The following DAB1 variants were observed in gnomAD, a reference collection of about 807,000 sequenced individuals.
DAB1 encodes DAB adaptor protein 1.
A neutral mutation model predicts 64.6 loss-of-function variants in DAB1; 15 were observed. The observed-to-expected ratio is 0.23, with a 90% CI of 0.16 to 0.36. The LOEUF is 0.36. Ranked by LOEUF, DAB1 falls within the 10% of genes least tolerant of loss-of-function variation. The probability of loss-of-function intolerance (pLI) is 1.00; values close to 1 mark genes in which losing one functional copy is unlikely to be tolerated. For missense variants in DAB1, 596 were observed against 706.7 expected, an observed-to-expected ratio of 0.84 and a Z score of 1.78; for synonymous variants, 235 against 251.9, an observed-to-expected ratio of 0.93 and a Z score of 0.64.
intron 2 of DAB1, among the ~76,000 whole-genome samples, chr1:57,167,186 C>T (rs1310307108): frequency 6.6e-5 from 10 of 152,178 alleles, no homozygotes; most frequent in Admixed American, 1.3e-4. Flanking sequence ...ACTTGATAGT[C>T]TACAAATTAA....
intron 5 of DAB1, among the ~76,000 whole-genome samples, chr1:58,079,256 G>A (rs1649837553): frequency 6.6e-6 from 1 of 152,072 alleles, no homozygotes; most frequent in African/African-American, 2.4e-5. Context: ...ACATCATCAG[G>A]GAACCCCTCC....
chr1:57,303,326 T>C (rs1456374177), intron 1 of DAB1, among the ~76,000 whole-genome samples: 1 of 152,148 alleles, frequency 6.6e-6, no homozygotes, highest in Non-Finnish European at 1.5e-5. Flanking sequence ...AAAGGAGTTG[T>C]ATGTGTTACT....
intron 5 of DAB1, among the ~76,000 whole-genome samples, chr1:57,932,088 G>A (rs1222510632): frequency 6.6e-6 from 1 of 152,134 alleles, no homozygotes; most frequent in Admixed American, 6.5e-5. Context: ...TTTCTCTTGA[G>A]ATTGATTTTT....
intron 4 of DAB1, among the ~76,000 whole-genome samples, chr1:58,179,300 TC>T (rs1054239572): frequency 6.6e-6 from 1 of 152,114 alleles, no homozygotes; most frequent in African/African-American, 2.4e-5. Flanking sequence ...TGTTTAACTT[TC>T]TTGTAATATC....
At chr1:58,264,637 A>C (rs1661121261) in intron 4 of DAB1, among the ~76,000 whole-genome samples, 2 of 152,232 alleles carry the variant, frequency 1.3e-5, no homozygotes, top group Admixed American at 1.3e-4. Context: ...CCTACATCAA[A>C]CTATTAGGAA....
chr1:57,695,093 G>T (rs1437903038), intron 6 of DAB1, among the ~76,000 whole-genome samples: 1 of 151,630 alleles, frequency 6.6e-6, no homozygotes, highest in Non-Finnish European at 1.5e-5. Context: ...GCAAGGTGTG[G>T]CTTGCCTGTA....
intron 7 of DAB1, among the ~76,000 whole-genome samples, chr1:57,563,031 A>G (rs1270312560): frequency 6.6e-6 from 1 of 152,216 alleles, no homozygotes; most frequent in Non-Finnish European, 1.5e-5. Flanking sequence ...ATGGGAAACT[A>G]CAGCAGCCCA....
intron 3 of DAB1, among the ~76,000 whole-genome samples, chr1:58,355,979 C>CA (rs1644107188): frequency 6.6e-6 from 1 of 152,116 alleles, no homozygotes; most frequent in African/African-American, 2.4e-5. Context: ...GGTGGAGGAC[C>CA]ACTCATTAGG....
At chr1:57,449,166 T>C (rs1217383951) in intron 7 of DAB1, among the ~76,000 whole-genome samples, 2 of 152,116 alleles carry the variant, frequency 1.3e-5, no homozygotes, top group Non-Finnish European at 2.9e-5. Flanking sequence ...GATCCCACAC[T>C]TCAAAGGAGA....
intron 5 of DAB1, among the ~76,000 whole-genome samples, chr1:57,908,442 G>A (rs1485735767): frequency 6.6e-6 from 1 of 152,154 alleles, no homozygotes; most frequent in African/African-American, 2.4e-5. Context: ...AGGGAGGGAG[G>A]AAATGAGGGA....
At chr1:57,463,240 T>C (rs925387168) in intron 7 of DAB1, among the ~76,000 whole-genome samples, 3 of 152,154 alleles carry the variant, frequency 2.0e-5, no homozygotes, top group South Asian at 2.1e-4. Context: ...ACAGGATTAA[T>C]GATAGTGGAT....
At chr1:58,447,500 T>C (rs1247803894) in intron 3 of DAB1, among the ~76,000 whole-genome samples, 1 of 152,144 alleles carries the variant, frequency 6.6e-6, no homozygotes, top group East Asian at 1.9e-4. Flanking sequence ...CAATTACATG[T>C]TGGGCACCAT....
At chr1:57,551,360 T>C (rs895189547) in intron 7 of DAB1, among the ~76,000 whole-genome samples, 6 of 152,184 alleles carry the variant, frequency 3.9e-5, no homozygotes, top group Non-Finnish European at 8.8e-5. Context: ...GGTAGAATCC[T>C]GTCTTTCCAC....
chr1:58,500,810 A>G (rs1014892802), intron 3 of DAB1, among the ~76,000 whole-genome samples: 1 of 152,222 alleles, frequency 6.6e-6, no homozygotes. Flanking sequence ...GTGGAGAATA[A>G]GAAATTCAGT....
At chr1:57,810,980 A>G (rs1490967851) in intron 6 of DAB1, among the ~76,000 whole-genome samples, 1 of 152,190 alleles carries the variant, frequency 6.6e-6, no homozygotes. Context: ...GGCTTCTAGC[A>G]GTTGCCAGCA....
At chr1:58,253,016 TACTC>T (rs1333899477) in intron 4 of DAB1, among the ~76,000 whole-genome samples, 2 of 152,214 alleles carry the variant, frequency 1.3e-5, no homozygotes, top group Non-Finnish European at 2.9e-5. Context: ...CATAGAAACT[TACTC>T]ACTACTGCTG....
chr1:57,151,030 T>C (rs946474981), intron 2 of DAB1, among the ~76,000 whole-genome samples: 1 of 152,094 alleles, frequency 6.6e-6, no homozygotes, highest in Non-Finnish European at 1.5e-5. Context: ...CAGATTTTGA[T>C]TAGATGGGTC....
intron 6 of DAB1, among the ~76,000 whole-genome samples, chr1:57,716,465 G>A (rs1480723938): frequency 6.6e-6 from 1 of 152,114 alleles, no homozygotes; most frequent in East Asian, 1.9e-4. Flanking sequence ...TTTTAACAAA[G>A]GTGCGAAAAT....
intron 6 of DAB1, among the ~76,000 whole-genome samples, chr1:57,650,185 T>C (rs1646240024): frequency 6.6e-6 from 1 of 152,140 alleles, no homozygotes; most frequent in Non-Finnish European, 1.5e-5. Context: ...TTGCCCACAC[T>C]GAAGTGTGGA....
Sources: gnomAD v4.1 joint callset for allele counts (sites outside exome capture counted in the v4.1 genomes callset) on GRCh38, gnomAD v4.1.1 for gene constraint, MANE v1.5 for transcripts, NCBI Gene and HGNC (gene_info 2026-07-23, HGNC 2026-07-21) for gene names.